The following LGR4 variants were observed in gnomAD, a reference collection of about 807,000 sequenced individuals.
LGR4 encodes the protein leucine-rich repeat-containing G protein-coupled receptor 4.
LGR4 carries 44 observed loss-of-function variants against 84.8 expected under a neutral mutation model. The ratio of observed to expected loss-of-function variants is 0.52; its 90% CI spans 0.41 to 0.67. LGR4 has a LOEUF of 0.67. LGR4 is among the 30% of genes least tolerant of loss of function. The probability of loss-of-function intolerance (pLI) is 0.00; values close to 1 mark genes in which losing one functional copy is unlikely to be tolerated. For synonymous variants in LGR4, 429 were observed against 434.3 expected (o/e 0.99, Z 0.15); for missense variants, 1,032 against 1,131.4 (o/e 0.91, Z 1.26).
At chr11:27,380,156 G>A (rs78698326) in intron 10 of LGR4, 115 bp downstream of exon 10, 31,529 of 624,070 alleles carry the variant, frequency 0.051, 1,150 homozygotes, top group Non-Finnish European at 0.06. Flanking sequence ...TATATACAAA[G>A]GGAAACCGGA....
intron 1 of LGR4, chr11:27,471,902 T>C: frequency 2.9e-6 from 1 of 349,012 alleles, no homozygotes. Context: ...CGAAAGCTAC[T>C]GCTGGCTCGA....
chr11:27,437,345 A>G (rs1259155234), intron 1 of LGR4, among the ~76,000 whole-genome samples: 1 of 152,060 alleles, frequency 6.6e-6, no homozygotes, highest in Non-Finnish European at 1.5e-5. Context: ...ATAATTATCC[A>G]TGTGTATTGA....
chr11:27,387,504 CAAGGAGTGTTTTAGGCA>C (rs985215938), intron 4 of LGR4, among the ~76,000 whole-genome samples: 3 of 151,954 alleles, frequency 2.0e-5, no homozygotes, highest in African/African-American at 7.3e-5. Flanking sequence ...AGGAGCTGGG[CAAGGAGTGTTTTAGGCA>C]AAGGAAAGAG....
intron 1 of LGR4, among the ~76,000 whole-genome samples, chr11:27,413,412 T>A (rs1863748014): frequency 6.6e-6 from 1 of 152,168 alleles, no homozygotes; most frequent in African/African-American, 2.4e-5. Context: ...ATGATAGGTA[T>A]GTGGTCCATT....
chr11:27,422,930 T>C (rs1863948244), intron 1 of LGR4, among the ~76,000 whole-genome samples: 1 of 152,206 alleles, frequency 6.6e-6, no homozygotes, highest in East Asian at 1.9e-4. Context: ...GGTGATAAAC[T>C]GAGTTAGCTG....
intron 1 of LGR4, among the ~76,000 whole-genome samples, chr11:27,467,504 T>C (rs1384032140): frequency 6.6e-6 from 1 of 150,538 alleles, no homozygotes; most frequent in South Asian, 2.1e-4. Context: ...GAGGTGGAGG[T>C]TGCAGTGAGC....
intron 7 of LGR4, among the ~76,000 whole-genome samples, chr11:27,381,958 G>A (rs957154315): frequency 2.6e-5 from 4 of 152,164 alleles, no homozygotes; most frequent in Non-Finnish European, 2.9e-5. Flanking sequence ...AAAGGCAGAC[G>A]CTGTATATCA....
Position 27,414,028 on chromosome 11 carries a change from G to C in LGR4, c.186-1168C>G, listed in dbSNP as rs573975943. Among the ~76,000 whole-genome samples, 23 of 152,128 alleles carry C rather than the reference G, an allele frequency of 1.5e-4. No individual in the cohort carries two copies. The South Asian group carries it at 4.8e-3, about 32-fold the overall frequency. ...CTTGGGAATAACAGTAACAGTAGCAGCAACAAAAACAGCAGGAGCAGCAGC... is the reference window on the plus strand; with the variant it reads ...CTTGGGAATAACAGTAACAGTAGCACCAACAAAAACAGCAGGAGCAGCAGC... On this transcript the variant is annotated intron_variant, in intron 1 of 17. Transcript: ENST00000379214.
chr11:27,413,922 T>A (rs1863762443), intron 1 of LGR4, among the ~76,000 whole-genome samples: 1 of 152,112 alleles, frequency 6.6e-6, no homozygotes, highest in Admixed American at 6.6e-5. Context: ...CTCCCCATCT[T>A]TCCTCTCACT....
chr11:27,440,186 G>A (rs1042027217), intron 1 of LGR4, among the ~76,000 whole-genome samples: 2 of 152,044 alleles, frequency 1.3e-5, no homozygotes, highest in African/African-American at 4.8e-5. Flanking sequence ...GATTACAGGC[G>A]TGAGCCACTG....
At chr11:27,371,571 G>T in intron 17 of LGR4, 44 bp downstream of exon 17, 1 of 1,345,730 alleles carries the variant, frequency 7.4e-7, no homozygotes, top group Non-Finnish European at 1.1e-6. Flanking sequence ...TTTGCCTAAT[G>T]TTTGTTTAAC....
At chr11:27,404,715 C>T (rs577990270) in intron 2 of LGR4, among the ~76,000 whole-genome samples, 78 of 152,184 alleles carry the variant, frequency 5.1e-4, no homozygotes, top group Non-Finnish European at 8.1e-4. Flanking sequence ...TCAGGATCCC[C>T]CTAGGAGTTT....
At chr11:27,384,771 T>C (rs1863155766) in intron 5 of LGR4, among the ~76,000 whole-genome samples, 1 of 152,166 alleles carries the variant, frequency 6.6e-6, no homozygotes, top group East Asian at 1.9e-4. Flanking sequence ...ATGAGGGTAA[T>C]GGTGTGGAGG....
intron 5 of LGR4, 139 bp from the exon 6 acceptor site, chr11:27,384,546 G>T: frequency 3.0e-6 from 2 of 657,070 alleles, no homozygotes; most frequent in Non-Finnish European, 5.3e-6. Context: ...ACAGTTTTCT[G>T]TTGACCACAG....
chr11:27,384,220 A>C, intron 6 of LGR4, 116 bp downstream of exon 6: 1 of 675,770 alleles, frequency 1.5e-6, no homozygotes, highest in Non-Finnish European at 2.6e-6. Context: ...CCAGTATCAA[A>C]GTGAATTAAT....
chr11:27,410,050 T>A (rs992713750), intron 2 of LGR4, among the ~76,000 whole-genome samples: 2 of 152,176 alleles, frequency 1.3e-5, no homozygotes, highest in Non-Finnish European at 2.9e-5. Flanking sequence ...GGCAGCTATA[T>A]GAGCACGTGA....
At chr11:27,381,028 T>A in intron 7 of LGR4, 62 bp from the exon 8 acceptor site, 1 of 852,644 alleles carries the variant, frequency 1.2e-6, no homozygotes, top group Non-Finnish European at 2.0e-6. Flanking sequence ...AAAACCCAAG[T>A]ATCTACTGCT....
intron 1 of LGR4, among the ~76,000 whole-genome samples, chr11:27,462,277 T>C (rs556445191): frequency 6.6e-6 from 1 of 152,286 alleles, no homozygotes; most frequent in Admixed American, 6.5e-5. Flanking sequence ...TGCGTTCCCA[T>C]GTTAGGACAG....
At chr11:27,374,144 C>T (rs1446677653) in intron 13 of LGR4, 98 bp from the exon 14 acceptor site, 15 of 773,966 alleles carry the variant, frequency 1.9e-5, no homozygotes, top group Middle Eastern at 2.5e-4. Context: ...AACACAATAT[C>T]GCTGATAAGA....
Sources: allele counts gnomAD v4.1 joint callset (sites outside exome capture counted in the v4.1 genomes callset), GRCh38; gene constraint gnomAD v4.1.1; transcripts MANE v1.5; gene names NCBI Gene and HGNC (gene_info 2026-07-23, HGNC 2026-07-21).